ATP13A4: variants seen among roughly 807,000 people sequenced by gnomAD.
ATP13A4 encodes ATPase 13A4.
Under a neutral mutation model 142.5 loss-of-function variants are expected in ATP13A4, and 114 were observed. The observed-to-expected ratio is 0.80, with a 90% CI of 0.69 to 0.93. The LOEUF (loss-of-function observed/expected upper bound fraction) is 0.93, where lower values mean the gene tolerates loss of function less well. Among genes scored for constraint, ATP13A4 ranks in the 40% least tolerant of loss-of-function variants. ATP13A4 has a pLI of 0.00. For missense variants in ATP13A4, 1,392 were observed against 1,454.0 expected (o/e 0.96, Z 0.69); for synonymous variants, 488 against 514.8 (o/e 0.95, Z 0.70).
chr3:193,592,928 C>T (rs1201934038), intron 1 of ATP13A4: 7 of 175,970 alleles, frequency 4.0e-5, no homozygotes, highest in African/African-American at 1.4e-4. Context: ...AAATTCATGG[C>T]TCCCGGTGAG....
intron 11 of ATP13A4, 45 bp from the exon 12 acceptor site, chr3:193,465,173 G>A (rs1423885465): frequency 8.8e-6 from 14 of 1,588,254 alleles, no homozygotes; most frequent in Non-Finnish European, 1.1e-5. Context: ...AATCTCTGAT[G>A]AACAGCATAT....
In ATP13A4 at chr3:193,484,010, A is replaced by G. The variant is rs1719460383; in HGVS notation, c.739-5T>C. Reference sequence around the variant, plus strand: ...ATGGTGGAGTTTTACAGATTGCTGAAAAAGAAGGAAAAATGGAAAAGTCTT... The same window carrying G: ...ATGGTGGAGTTTTACAGATTGCTGAGAAAGAAGGAAAAATGGAAAAGTCTT... On this transcript the variant is annotated splice_polypyrimidine_tract_variant and splice_region_variant and intron_variant, in intron 7 of 29. Coordinates refer to ENST00000342695, the MANE Select transcript of ATP13A4 (RefSeq NM_032279.4). 4 of 1,599,974 alleles carry G rather than the reference A, an allele frequency of 2.5e-6. No homozygotes were observed. Among genetic ancestry groups the G allele is most frequent in the Non-Finnish European group, 3.4e-6 (4 of 1,167,438 alleles).
intron 1 of ATP13A4, among the ~76,000 whole-genome samples, chr3:193,539,561 C>T (rs944306747): frequency 6.6e-6 from 1 of 152,206 alleles, no homozygotes; most frequent in Non-Finnish European, 1.5e-5. Flanking sequence ...CCTAAGACAT[C>T]GCTTCTGTGC....
intron 25 of ATP13A4, among the ~76,000 whole-genome samples, chr3:193,416,117 T>C (rs977176771): frequency 2.0e-5 from 3 of 152,174 alleles, no homozygotes; most frequent in African/African-American, 4.8e-5. Flanking sequence ...AAACATTAGC[T>C]GAACAAAAGC....
At chr3:193,518,211 C>T (rs1721531482) in intron 1 of ATP13A4, among the ~76,000 whole-genome samples, 1 of 152,072 alleles carries the variant, frequency 6.6e-6, no homozygotes, top group South Asian at 2.1e-4. Flanking sequence ...GAAAATAACC[C>T]AGATGCCATC....
chr3:193,554,399 GT>G (rs1003151024), intron 1 of ATP13A4: 1 of 366,068 alleles, frequency 2.7e-6, no homozygotes, highest in Non-Finnish European at 5.2e-6. Context: ...TCCTAAAATT[GT>G]TAGGTGTTTT....
chr3:193,560,870 T>A (rs1178597465), intron 2 of ATP13A4, among the ~76,000 whole-genome samples: 2 of 152,188 alleles, frequency 1.3e-5, no homozygotes, highest in Non-Finnish European at 2.9e-5. Context: ...AGAAAGGCCA[T>A]AAGACAGAAG....
At chr3:193,583,558 G>A (rs899651160) in intron 1 of ATP13A4, among the ~76,000 whole-genome samples, 4 of 152,010 alleles carry the variant, frequency 2.6e-5, no homozygotes, top group Non-Finnish European at 4.4e-5. Context: ...CCTAGTACCT[G>A]GTACACTAAA....
At chr3:193,537,668 G>A (rs1722657916) in intron 1 of ATP13A4, among the ~76,000 whole-genome samples, 1 of 152,154 alleles carries the variant, frequency 6.6e-6, no homozygotes, top group African/African-American at 2.4e-5. Context: ...TACTGAATGA[G>A]AGAAAACATC....
At chr3:193,473,598 A>T (rs983456021) in intron 8 of ATP13A4, among the ~76,000 whole-genome samples, 2 of 152,252 alleles carry the variant, frequency 1.3e-5, no homozygotes, top group South Asian at 2.1e-4. Flanking sequence ...TTTGCAATGG[A>T]GAAACCTGGC....
At chr3:193,424,001 AG>A (rs1187111893) in intron 25 of ATP13A4, among the ~76,000 whole-genome samples, 3 of 149,762 alleles carry the variant, frequency 2.0e-5, no homozygotes, top group African/African-American at 7.3e-5. Context: ...AAATCAACAT[AG>A]AAAAATCAGT....
intron 26 of ATP13A4, 108 bp from the exon 27 acceptor site, chr3:193,412,479 G>T (rs1457195752): frequency 1.2e-4 from 107 of 861,780 alleles, no homozygotes; most frequent in Non-Finnish European, 3.6e-5. Context: ...GGCACTCAAT[G>T]CTTCTACAAT....
At chr3:193,585,351 C>T (rs547851713) in intron 1 of ATP13A4, among the ~76,000 whole-genome samples, 1 of 152,224 alleles carries the variant, frequency 6.6e-6, no homozygotes, top group East Asian at 1.9e-4. Context: ...ACCCAGGGGG[C>T]AGAGGCTGCA....
chr3:193,500,521 C>A (rs182629586), intron 3 of ATP13A4, among the ~76,000 whole-genome samples: 1 of 152,168 alleles, frequency 6.6e-6, no homozygotes. Flanking sequence ...GATCATCAGG[C>A]AATCATTAGA....
intron 13 of ATP13A4, among the ~76,000 whole-genome samples, chr3:193,460,894 G>A (rs1320045220): frequency 6.6e-6 from 1 of 152,290 alleles, no homozygotes; most frequent in African/African-American, 2.4e-5. Context: ...AACAATCAGG[G>A]CTTTTTGGAA....
chr3:193,420,432 T>C (rs1242764688), intron 25 of ATP13A4, among the ~76,000 whole-genome samples: 1 of 150,048 alleles, frequency 6.7e-6, no homozygotes, highest in Non-Finnish European at 1.5e-5. Context: ...TGTAAAGACA[T>C]TGATGCAGAA....
At chr3:193,471,058 A>G (rs1385038961) in intron 8 of ATP13A4, 65 bp from the exon 9 acceptor site, 2 of 1,601,944 alleles carry the variant, frequency 1.2e-6, no homozygotes, top group East Asian at 2.2e-5. Flanking sequence ...TCCAACATCT[A>G]TTTAACTTGG....
At chr3:193,571,484 G>A (rs968030779) in intron 2 of ATP13A4, among the ~76,000 whole-genome samples, 4 of 152,106 alleles carry the variant, frequency 2.6e-5, no homozygotes, top group Non-Finnish European at 5.9e-5. Flanking sequence ...AGTATGAGGG[G>A]TGAGGAGGAA....
intron 17 of ATP13A4, among the ~76,000 whole-genome samples, chr3:193,451,729 C>T (rs568859182): frequency 6.6e-6 from 1 of 152,264 alleles, no homozygotes; most frequent in East Asian, 1.9e-4. Context: ...ATGAAATATG[C>T]ATGAAGTGGG....
Sources: allele counts gnomAD v4.1 joint callset (sites outside exome capture counted in the v4.1 genomes callset), GRCh38; gene constraint gnomAD v4.1.1; transcripts MANE v1.5; gene names NCBI Gene and HGNC (gene_info 2026-07-23, HGNC 2026-07-21).